Variants in EDARADD observed in about 807,000 individuals in gnomAD.
EDARADD encodes the protein EDAR associated via death domain.
Under a neutral mutation model 25.6 loss-of-function variants are expected in EDARADD, and 20 were observed. That is an observed-to-expected ratio of 0.78 (90% CI 0.55 to 1.14). EDARADD has a LOEUF of 1.14. Ranked by LOEUF, EDARADD falls within the 50% of genes most tolerant of loss-of-function variation. The probability of loss-of-function intolerance (pLI) is 0.00; values close to 1 mark genes in which losing one functional copy is unlikely to be tolerated. For missense variants in EDARADD, 225 were observed against 270.1 expected, an observed-to-expected ratio of 0.83 and a Z score of 1.17; for synonymous variants, 86 against 94.4, an observed-to-expected ratio of 0.91 and a Z score of 0.52.
intron 4 of EDARADD, among the ~76,000 whole-genome samples, chr1:236,449,122 G>A (rs1471641230): frequency 6.6e-6 from 1 of 152,134 alleles, no homozygotes; most frequent in African/African-American, 2.4e-5. Context: ...TCCTTGGCTT[G>A]TAGAAGCATC....
At chr1:236,385,702 C>T (rs563265087) in intron 3 of EDARADD, among the ~76,000 whole-genome samples, 93 of 145,158 alleles carry the variant, frequency 6.4e-4, no homozygotes, top group Non-Finnish European at 1.2e-3. Flanking sequence ...CCAGCTTGGG[C>T]GACAAGAGCG....
intron 4 of EDARADD, among the ~76,000 whole-genome samples, chr1:236,465,427 C>T (rs1402010094): frequency 6.6e-6 from 1 of 152,182 alleles, no homozygotes; most frequent in African/African-American, 2.4e-5. Context: ...TCATCTCCCT[C>T]TTGCCCCTCC....
chr1:236,472,008 GA>G (rs1659373128), intron 5 of EDARADD, among the ~76,000 whole-genome samples: 1 of 151,928 alleles, frequency 6.6e-6, no homozygotes, highest in Non-Finnish European at 1.5e-5. Flanking sequence ...GACACTACCA[GA>G]CATTCACTAT....
Position 236,394,460 on chromosome 1 carries a change from A to C in EDARADD, c.16A>C (p.Thr6Pro). 1.9e-6 allele frequency: 3 copies of C among 1,614,190 alleles called. No homozygotes were observed. Among genetic ancestry groups the C allele is most frequent in the Non-Finnish European group, 1.7e-6 (2 of 1,180,020 alleles). Residue 6 changes from threonine (T) to proline (P), a missense_variant, in exon 1 of 6, where the codon ACT (threonine) becomes CCT (proline). Thr to Pro is a conservative substitution (Grantham distance 38). Transcript: ENST00000334232. MGLRT[T>P]KQMGRGTKAP... is the part of the protein sequence containing the mutation. Reference sequence around the variant, plus strand: ...CAACATCGCCATGGGCCTCAGGACGACTAAACAGATGGGGAGAGGCACTAA... The same window carrying C: ...CAACATCGCCATGGGCCTCAGGACGCCTAAACAGATGGGGAGAGGCACTAA...
At chr1:236,465,464 T>G (rs978986060) in intron 4 of EDARADD, among the ~76,000 whole-genome samples, 4 of 152,170 alleles carry the variant, frequency 2.6e-5, no homozygotes, top group Admixed American at 1.3e-4. Context: ...GACTAAATGC[T>G]CCTTCCTCCC....
chr1:236,404,138 C>A (rs592627), intron 1 of EDARADD, among the ~76,000 whole-genome samples: 107,439 of 152,080 alleles, frequency 0.71, 38,408 homozygotes, highest in Non-Finnish European at 0.75. Flanking sequence ...GCTCCTCTGC[C>A]CGTCCTATTA....
chr1:236,414,574 C>A (rs188599019), intron 3 of EDARADD, among the ~76,000 whole-genome samples: 3 of 152,150 alleles, frequency 2.0e-5, no homozygotes, highest in Admixed American at 1.3e-4. Flanking sequence ...TTTTAACAGG[C>A]ATAAAATGAA....
At chr1:236,418,790 A>G (rs1230020859) in intron 3 of EDARADD, among the ~76,000 whole-genome samples, 2 of 152,178 alleles carry the variant, frequency 1.3e-5, no homozygotes, top group Non-Finnish European at 2.9e-5. Context: ...TCACGGATTG[A>G]TAATGATGCC....
chr1:236,408,482 G>A (rs1025664337), intron 1 of EDARADD, among the ~76,000 whole-genome samples: 3 of 151,924 alleles, frequency 2.0e-5, no homozygotes, highest in African/African-American at 7.3e-5. Context: ...GGGATTACAG[G>A]CGTGAGCCAC....
In EDARADD at chr1:236,395,120, T is replaced by C. The variant is rs879358490; in HGVS notation, c.61+615T>C. ...GCCCAGGCCTGTGTAAGGGGAGTTC[T>C]GGTGTCTCAGCTGAGGGCGTGAGTA... On this transcript the variant is annotated intron_variant, in intron 1 of 5. Coordinates refer to ENST00000334232, the MANE Select transcript of EDARADD (RefSeq NM_145861.4). The surrounding 1 kb of genome is among the most constrained non-coding windows in gnomAD (Gnocchi z 6.9). 2.6e-5 allele frequency among the ~76,000 whole-genome samples: 4 copies of C among 152,236 alleles called. No homozygotes were observed. The highest frequency in any genetic ancestry group is 4.4e-5 in the Non-Finnish European group (3 of 68,036).
intron 1 of EDARADD, chr1:236,348,417 C>A (rs984522330): frequency 1.3e-5 from 2 of 152,308 alleles, no homozygotes; most frequent in Admixed American, 1.3e-4. Context: ...CTCCAAAACA[C>A]CCTGAGGTGC....
intron 3 of EDARADD, among the ~76,000 whole-genome samples, chr1:236,369,746 A>G (rs653451): frequency 0.29 from 44,728 of 151,904 alleles, 6,940 homozygotes; most frequent in African/African-American, 0.39. Flanking sequence ...GCTGAGGCAG[A>G]AGAACTGCTT....
intron 3 of EDARADD, among the ~76,000 whole-genome samples, chr1:236,356,300 TAG>T (rs1666974877): frequency 6.6e-6 from 1 of 152,118 alleles, no homozygotes; most frequent in Non-Finnish European, 1.5e-5. Flanking sequence ...CTGGAAACAG[TAG>T]AGATTCTCAA....
chr1:236,379,545 G>A (rs1667273582), intron 3 of EDARADD, among the ~76,000 whole-genome samples: 2 of 151,138 alleles, frequency 1.3e-5, no homozygotes, highest in Admixed American at 6.6e-5. Context: ...TTGGGAGGCC[G>A]AGGCGGGCAG....
intron 3 of EDARADD, among the ~76,000 whole-genome samples, chr1:236,425,968 A>G (rs590815): frequency 0.048 from 2,503 of 51,860 alleles, 76 homozygotes; most frequent in African/African-American, 0.085. Flanking sequence ...TATTTTTCTT[A>G]TCTTTTTTTT....
chr1:236,427,501 TA>T (rs757810497), intron 4 of EDARADD, 51 bp downstream of exon 4: 1 of 1,533,002 alleles, frequency 6.5e-7, no homozygotes, highest in Non-Finnish European at 8.9e-7. Flanking sequence ...ATAATCCACC[TA>T]AAATTTTTTG....
At chr1:236,442,420 C>G (rs1658425508) in intron 4 of EDARADD, among the ~76,000 whole-genome samples, 2 of 152,230 alleles carry the variant, frequency 1.3e-5, no homozygotes, top group Admixed American at 1.3e-4. Context: ...GCCACTGTGC[C>G]TGGCCATGAG....
Position 236,484,708 on chromosome 1 carries a change from G to GA in EDARADD, c.*2078dup, listed in dbSNP as rs11358746. 11,451 of 148,596 alleles carry GA rather than the reference G, an allele frequency of 0.077. 942 individuals carry two copies. The highest frequency in any genetic ancestry group is 0.23 in the African/African-American group (7,450 of 32,072). 9.2% of individuals were successfully genotyped at this position (148,596 alleles called of 1,614,324 possible). A position where few individuals can be genotyped will look rare whatever the true frequency, so the allele number is the denominator to read the frequency against. ...GGAGACAGAGTGAGAGTCCGTCCCA[G>GA]AAAAAAAAAAAAAAAAAAAGAACTT... On this transcript the variant is annotated 3_prime_UTR_variant, in exon 6 of 6. Transcript: ENST00000334232. This position sits in a 1 kb window ranked among gnomAD's most constrained non-coding sequence, Gnocchi z 4.1.
In EDARADD at chr1:236,484,304, C is replaced by A. The variant is rs531411750; in HGVS notation, c.*1655C>A. 287 of 1,102,406 alleles carry A rather than the reference C, an allele frequency of 2.6e-4. 3 individuals carry two copies. In the South Asian group the frequency reaches 2.9e-3, roughly 11 times the overall value. 68.3% of individuals were successfully genotyped at this position (1,102,406 alleles called of 1,614,324 possible). ...ATTCTGGGGAGACTGAAAATACCTT[C>A]ATCACTGACCTGGTGGTGGGGCTGT... On this transcript the variant is annotated 3_prime_UTR_variant, in exon 6 of 6. Coordinates refer to ENST00000334232, the MANE Select transcript of EDARADD (RefSeq NM_145861.4). The surrounding 1 kb of genome is among the most constrained non-coding windows in gnomAD (Gnocchi z 4.1).
Sources: allele counts gnomAD v4.1 joint callset (sites outside exome capture counted in the v4.1 genomes callset), GRCh38; gene constraint gnomAD v4.1.1; non-coding constraint Gnocchi (gnomAD v3.1); transcripts MANE v1.5; gene names NCBI Gene and HGNC (gene_info 2026-07-23, HGNC 2026-07-21).